Variants in DAB1 observed in about 807,000 individuals in gnomAD.
The protein encoded by DAB1 is disabled homolog 1.
In DAB1, 15 loss-of-function variants were observed where a neutral mutation model predicts 64.6. The observed-to-expected ratio is 0.23, with a 90% CI of 0.16 to 0.36. The LOEUF is 0.36. DAB1 is among the 10% of genes least tolerant of loss of function. DAB1 has a pLI of 1.00. For missense variants in DAB1, 596 were observed against 706.7 expected, an observed-to-expected ratio of 0.84 and a Z score of 1.78; for synonymous variants, 235 against 251.9, an observed-to-expected ratio of 0.93 and a Z score of 0.64.
At chr1:58,148,775 ACC>A (rs60017172) in intron 5 of DAB1, among the ~76,000 whole-genome samples, 4 of 136,904 alleles carry the variant, frequency 2.9e-5, no homozygotes, top group Admixed American at 7.3e-5. Flanking sequence ...CAGAAATCAC[ACC>A]CCCCCCCCAA....
At chr1:57,531,997 C>T (rs1230408190) in intron 7 of DAB1, among the ~76,000 whole-genome samples, 1 of 152,066 alleles carries the variant, frequency 6.6e-6, no homozygotes. Context: ...GTATTAATTA[C>T]CTTTGTTTTC....
chr1:57,683,292 C>G (rs1201268787), intron 6 of DAB1, among the ~76,000 whole-genome samples: 1 of 152,158 alleles, frequency 6.6e-6, no homozygotes, highest in East Asian at 1.9e-4. Flanking sequence ...GCGAGCCCCA[C>G]AACCTGGCAC....
intron 4 of DAB1, among the ~76,000 whole-genome samples, chr1:58,189,223 C>T (rs977099490): frequency 6.6e-6 from 1 of 152,208 alleles, no homozygotes; most frequent in African/African-American, 2.4e-5. Flanking sequence ...GTGAATGTTA[C>T]TGAAAGCAGG....
At chr1:57,706,243 CCTT>C (rs1442108399) in intron 6 of DAB1, among the ~76,000 whole-genome samples, 1 of 151,928 alleles carries the variant, frequency 6.6e-6, no homozygotes, top group Non-Finnish European at 1.5e-5. Context: ...CTTCTTCCCT[CCTT>C]CTCTCTTTCT....
At chr1:58,160,983 T>C (rs964283924) in intron 4 of DAB1, among the ~76,000 whole-genome samples, 6 of 152,188 alleles carry the variant, frequency 3.9e-5, no homozygotes, top group African/African-American at 1.4e-4. Flanking sequence ...GGAAGTGCTG[T>C]AGTTGTACTG....
intron 4 of DAB1, among the ~76,000 whole-genome samples, chr1:58,261,030 T>C (rs1661036204): frequency 6.6e-6 from 1 of 152,188 alleles, no homozygotes; most frequent in African/African-American, 2.4e-5. Context: ...TATCACATAA[T>C]TGCAATGTAT....
At chr1:58,541,852 G>T (rs1646626885) in intron 1 of DAB1, among the ~76,000 whole-genome samples, 1 of 152,076 alleles carries the variant, frequency 6.6e-6, no homozygotes. Context: ...AGGACATAAA[G>T]TCAATAAACA....
intron 4 of DAB1, among the ~76,000 whole-genome samples, chr1:58,313,900 C>A (rs183850052): frequency 6.6e-6 from 1 of 151,252 alleles, no homozygotes; most frequent in Non-Finnish European, 1.5e-5. Context: ...TAATGACCTA[C>A]TCACCTCCAT....
intron 5 of DAB1, among the ~76,000 whole-genome samples, chr1:58,059,061 G>T (rs1334734644): frequency 6.6e-6 from 1 of 152,154 alleles, no homozygotes; most frequent in Non-Finnish European, 1.5e-5. Flanking sequence ...TGCAGTGAAG[G>T]TCTCAGCCCC....
chr1:58,247,557 T>C (rs1184253081), intron 4 of DAB1, among the ~76,000 whole-genome samples: 1 of 152,174 alleles, frequency 6.6e-6, no homozygotes, highest in Admixed American at 6.5e-5. Context: ...TGTGGTACAA[T>C]GTGTATTTCA....
intron 7 of DAB1, among the ~76,000 whole-genome samples, chr1:57,537,290 G>T (rs1041529208): frequency 1.3e-5 from 2 of 152,182 alleles, no homozygotes; most frequent in Non-Finnish European, 2.9e-5. Context: ...TTCCAAAAGA[G>T]AGATTCCAGG....
chr1:57,768,454 T>C (rs1170443744), intron 6 of DAB1, among the ~76,000 whole-genome samples: 1 of 151,580 alleles, frequency 6.6e-6, no homozygotes, highest in African/African-American at 2.4e-5. Context: ...ATTGTCCAAA[T>C]AACACTCTTT....
rs549946457 is a variant in DAB1 at position 58,336,597 on chromosome 1, TAACTC to T, written n.309+6750_309+6754del. ...AAGTGGCAGAAATGAAATTAACACTTAACTCTATTTGACTTCAAATTCTAGGCTCT... is the reference window on the plus strand; with the variant it reads ...AAGTGGCAGAAATGAAATTAACACTTTATTTGACTTCAAATTCTAGGCTCT... On this transcript the variant is annotated intron_variant and non_coding_transcript_variant, in intron 4 of 20. Transcript: ENST00000485760. 3.0e-3 allele frequency among the ~76,000 whole-genome samples: 455 copies of T among 152,292 alleles called. 6 individuals carry two copies. Among genetic ancestry groups the T allele is most frequent in the African/African-American group, 0.011 (438 of 41,558 alleles).
At chr1:58,102,632 A>G (rs1651390607) in intron 5 of DAB1, among the ~76,000 whole-genome samples, 1 of 152,216 alleles carries the variant, frequency 6.6e-6, no homozygotes, top group South Asian at 2.1e-4. Context: ...TTACTGGAAC[A>G]ATAAAAACCT....
intron 6 of DAB1, among the ~76,000 whole-genome samples, chr1:57,790,417 C>A (rs2101857284): frequency 6.6e-6 from 1 of 152,274 alleles, no homozygotes; most frequent in East Asian, 1.9e-4. Context: ...TTCCCCAGCC[C>A]TGCAGAACTG....
Position 58,072,865 on chromosome 1 carries a change from A to G in DAB1, n.387+77646T>C, listed in dbSNP as rs529872615. Among the ~76,000 whole-genome samples the G allele has an allele frequency of 2.1e-4, 32 of 152,288 alleles. 1 individual carries two copies. In the South Asian group the frequency reaches 6.2e-3, roughly 30 times the overall value. ...TCAAATTTTTCCAGGTTTCCTATTCACTTTCCAGATTCGGTGCTTCCAAAT... is the reference window on the plus strand; with the variant it reads ...TCAAATTTTTCCAGGTTTCCTATTCGCTTTCCAGATTCGGTGCTTCCAAAT... On this transcript the variant is annotated intron_variant and non_coding_transcript_variant, in intron 5 of 20. Transcript: ENST00000485760.
At chr1:58,471,401 G>C (rs1232358689) in intron 3 of DAB1, among the ~76,000 whole-genome samples, 1 of 152,182 alleles carries the variant, frequency 6.6e-6, no homozygotes, top group Non-Finnish European at 1.5e-5. Context: ...TTACACACCT[G>C]TTCCTAGACC....
At chr1:57,990,214 C>T (rs778349237) in intron 5 of DAB1, among the ~76,000 whole-genome samples, 1 of 152,164 alleles carries the variant, frequency 6.6e-6, no homozygotes, top group Non-Finnish European at 1.5e-5. Flanking sequence ...AATGATGCTG[C>T]TGATGCAACA....
At chr1:57,238,377 C>A (rs1374642245) in intron 2 of DAB1, among the ~76,000 whole-genome samples, 1 of 152,168 alleles carries the variant, frequency 6.6e-6, no homozygotes, top group Admixed American at 6.5e-5. Context: ...GGAGAAAGAG[C>A]CAGAGGATAC....
Sources: allele counts gnomAD v4.1 joint callset (sites outside exome capture counted in the v4.1 genomes callset), GRCh38; gene constraint gnomAD v4.1.1; transcripts MANE v1.5; gene names NCBI Gene and HGNC (gene_info 2026-07-23, HGNC 2026-07-21).